Variants in DOCK4 observed in about 807,000 individuals in gnomAD.
DOCK4 encodes dedicator of cytokinesis 4.
DOCK4 carries 97 observed loss-of-function variants against 268.1 expected under a neutral mutation model. That is an observed-to-expected ratio of 0.36 (90% CI 0.31 to 0.43). DOCK4 has a LOEUF of 0.43. Among genes scored for constraint, DOCK4 ranks in the 20% least tolerant of loss-of-function variants. The probability of loss-of-function intolerance (pLI) is 1.00; values close to 1 mark genes in which losing one functional copy is unlikely to be tolerated. For synonymous variants in DOCK4, 954 were observed against 887.2 expected (o/e 1.08, Z -1.34); for missense variants, 2,145 against 2,455.7 (o/e 0.87, Z 2.67).
chr7:111,797,246 G>A (rs992856858), intron 30 of DOCK4, among the ~76,000 whole-genome samples: 1 of 152,126 alleles, frequency 6.6e-6, no homozygotes, highest in Non-Finnish European at 1.5e-5. Flanking sequence ...ATCAGACAGA[G>A]CCAGGGAAAA....
intron 1 of DOCK4, among the ~76,000 whole-genome samples, chr7:112,066,967 A>G (rs974602184): frequency 1.3e-5 from 2 of 149,162 alleles, no homozygotes; most frequent in African/African-American, 4.9e-5. Flanking sequence ...CAATATGGCA[A>G]AACCCCGTCT....
chr7:111,982,677 T>A (rs1444199518), intron 7 of DOCK4, among the ~76,000 whole-genome samples: 1 of 152,206 alleles, frequency 6.6e-6, no homozygotes, highest in Non-Finnish European at 1.5e-5. Context: ...TTGGAGCCAA[T>A]AATCCAGTCT....
In DOCK4 at chr7:111,802,613, G is replaced by GC. The variant is rs531762027; in HGVS notation, c.3166+6207dup. On this transcript the variant is annotated intron_variant, in intron 30 of 52. Transcript: ENST00000428084. ...TATCTTGGTCTTTAGTCTTTCCGGAGCCTGGCATCCCTTGGCCTCTCTAAT... is the reference window on the plus strand; with the variant it reads ...TATCTTGGTCTTTAGTCTTTCCGGAGCCCTGGCATCCCTTGGCCTCTCTAAT... Among the ~76,000 whole-genome samples the GC allele has an allele frequency of 9.9e-5, 15 of 152,200 alleles. No individual in the cohort carries two copies. In the South Asian group the frequency reaches 3.1e-3, roughly 32 times the overall value.
intron 1 of DOCK4, among the ~76,000 whole-genome samples, chr7:112,156,963 T>C (rs1240243307): frequency 7.3e-6 from 1 of 137,008 alleles, no homozygotes; most frequent in South Asian, 2.8e-4. Flanking sequence ...AAATTATATA[T>C]AGCTTGATTT....
chr7:111,830,424 TCAAAACAAAA>T (rs60548599), intron 26 of DOCK4, among the ~76,000 whole-genome samples: 39 of 150,890 alleles, frequency 2.6e-4, no homozygotes, highest in African/African-American at 7.8e-4. Context: ...AGACTCATTC[TCAAAACAAAA>T]CAAAACAAAA....
intron 10 of DOCK4, among the ~76,000 whole-genome samples, chr7:111,943,373 G>A (rs118162768): frequency 0.018 from 2,759 of 152,306 alleles, 42 homozygotes; most frequent in Non-Finnish European, 0.03. Flanking sequence ...TCACTTTGCT[G>A]CATGTTTTTT....
intron 16 of DOCK4, among the ~76,000 whole-genome samples, chr7:111,886,396 G>T (rs1433138245): frequency 6.6e-6 from 1 of 152,174 alleles, no homozygotes; most frequent in Non-Finnish European, 1.5e-5. Context: ...ACAAGGAAAT[G>T]AACACAGTCT....
In DOCK4 at chr7:111,895,700, T is replaced by A; in HGVS notation, c.1499A>T (p.Lys500Met). The A allele has an allele frequency of 6.2e-7, 1 of 1,613,954 alleles. No homozygotes were observed. The highest frequency in any genetic ancestry group is 8.5e-7 in the Non-Finnish European group (1 of 1,179,834). The stretch of plus-strand genomic sequence containing the variant: ...GACAAAAGAAAACCCAAACAACTTC[T>A]TCTCTCCTTTCTCCTTTGCTGTAAA... Reference protein sequence around the residue: ...RHCSTKEKGEKKLFGFSFVPL... With the variant: ...RHCSTKEKGEMKLFGFSFVPL... Residue 500 changes from lysine to methionine, a missense_variant, in exon 16 of 53, where the codon AAG becomes ATG. Around this residue, in one of 2 missense-constraint regions of DOCK4, gnomAD observed 1,598 missense variants for 1,986.7 expected, o/e 0.80. Coordinates refer to ENST00000428084, the MANE Select transcript of DOCK4 (RefSeq NM_001363540.2).
chr7:111,908,025 A>G (rs1184380547), intron 13 of DOCK4, among the ~76,000 whole-genome samples: 2 of 152,178 alleles, frequency 1.3e-5, no homozygotes, highest in Admixed American at 6.5e-5. Context: ...ATCATGCCCA[A>G]CTAGATTTAG....
chr7:111,785,922 T>C (rs1398951538), intron 32 of DOCK4, among the ~76,000 whole-genome samples: 3 of 151,996 alleles, frequency 2.0e-5, no homozygotes, highest in Admixed American at 1.3e-4. Flanking sequence ...GCTCACCAGG[T>C]TTTCACTCTA....
chr7:112,106,195 C>T (rs940606511), intron 1 of DOCK4, among the ~76,000 whole-genome samples: 9 of 152,284 alleles, frequency 5.9e-5, no homozygotes, highest in African/African-American at 2.2e-4. Flanking sequence ...TTTAGGCAGA[C>T]ACTAAATTCT....
chr7:111,916,980 G>GTTTTTTTTTT lies in DOCK4; in HGVS notation c.1067-1086_1067-1077dup, dbSNP rs749349556. On this transcript the variant is annotated intron_variant, in intron 12 of 52. Transcript: ENST00000428084. The stretch of plus-strand genomic sequence containing the variant: ...ACCCACCTCCCACCCTTTCCCCCAT[G>GTTTTTTTTTT]TTTTTTTTTTTTTTTTTTTTTTTTT... Among the ~76,000 whole-genome samples the GTTTTTTTTTT allele has an allele frequency of 1.3e-3, 107 of 83,960 alleles. 13 individuals carry two copies. In the East Asian group the frequency reaches 0.023, roughly 18 times the overall value. The allele number at this position is 83,960 out of a possible 152,430, so 55.1% of individuals were successfully genotyped here. A position where few individuals can be genotyped will look rare whatever the true frequency, so the allele number is the denominator to read the frequency against.
intron 11 of DOCK4, among the ~76,000 whole-genome samples, chr7:111,937,346 C>T (rs896342833): frequency 6.6e-6 from 1 of 152,188 alleles, no homozygotes; most frequent in Non-Finnish European, 1.5e-5. Context: ...ACTCTTGAAA[C>T]AGCATCACTA....
At chr7:111,855,721 C>T (rs778299347) in intron 23 of DOCK4, among the ~76,000 whole-genome samples, 2 of 152,198 alleles carry the variant, frequency 1.3e-5, no homozygotes, top group African/African-American at 4.8e-5. Context: ...TGCCCCATCA[C>T]ATACGCTGCT....
chr7:112,045,976 C>T (rs1804786859), intron 1 of DOCK4, among the ~76,000 whole-genome samples: 1 of 152,100 alleles, frequency 6.6e-6, no homozygotes, highest in Non-Finnish European at 1.5e-5. Context: ...ATGCAAGTTC[C>T]CTTTAGCTAT....
rs566375624 is a variant in DOCK4 at position 111,984,426 on chromosome 7, T to C, written c.465-36A>G. 415 of 1,562,762 alleles carry C rather than the reference T, an allele frequency of 2.7e-4. 4 individuals are homozygous for C. In the South Asian group the frequency reaches 4.1e-3, roughly 16 times the overall value. On this transcript the variant is annotated intron_variant, in intron 6 of 52. Coordinates refer to ENST00000428084, the MANE Select transcript of DOCK4 (RefSeq NM_001363540.2). ...AATTGCAAAAGTTTGGGGGAAAAGT[T>C]ACCTCCATGAAATATGTTAAAAACA...
intron 1 of DOCK4, among the ~76,000 whole-genome samples, chr7:112,059,038 C>A (rs1463094444): frequency 2.7e-5 from 4 of 150,890 alleles, no homozygotes; most frequent in Non-Finnish European, 5.9e-5. Context: ...AACCTTGTTA[C>A]AACCACTCGG....
chr7:112,144,811 C>T (rs947769633), intron 1 of DOCK4, among the ~76,000 whole-genome samples: 2 of 152,266 alleles, frequency 1.3e-5, no homozygotes, highest in South Asian at 4.1e-4. Context: ...GTGGTATGCA[C>T]ACTCTCCTTG....
chr7:112,051,022 T>C (rs1805303084), intron 1 of DOCK4, among the ~76,000 whole-genome samples: 1 of 152,060 alleles, frequency 6.6e-6, no homozygotes, highest in Admixed American at 6.6e-5. Context: ...AATATGGCCA[T>C]TGCTCACAGT....
Sources: gnomAD v4.1 joint callset for allele counts (sites outside exome capture counted in the v4.1 genomes callset) on GRCh38, gnomAD v4.1.1 for gene constraint, gnomAD v4.1.1 regional missense constraint, MANE v1.5 for transcripts, NCBI Gene and HGNC (gene_info 2026-07-23, HGNC 2026-07-21) for gene names.